CTDSP2: variants seen among roughly 807,000 people sequenced by gnomAD.
The protein encoded by CTDSP2 is CTD small phosphatase 2, also known as carboxy-terminal domain RNA polymerase II polypeptide A small phosphatase 2.
CTDSP2 carries 9 observed loss-of-function variants against 31.6 expected under a neutral mutation model. That is an observed-to-expected ratio of 0.28 (90% CI 0.17 to 0.50). The LOEUF (loss-of-function observed/expected upper bound fraction) is 0.50, where lower values mean the gene tolerates loss of function less well. CTDSP2 is among the 20% of genes least tolerant of loss of function. The pLI is 0.98. For synonymous variants in CTDSP2, 134 were observed against 134.5 expected (o/e 1.00, Z 0.03); for missense variants, 267 against 348.5 (o/e 0.77, Z 1.86).
At chr12:57,844,221 G>A (rs536526077) in intron 1 of CTDSP2, among the ~76,000 whole-genome samples, 3 of 152,138 alleles carry the variant, frequency 2.0e-5, no homozygotes, top group Non-Finnish European at 4.4e-5. Flanking sequence ...TACATGGGGA[G>A]GGAGAGACCC....
chr12:57,822,758 C>T lies in CTDSP2; in HGVS notation c.*844G>A, dbSNP rs1042891563. ...GCGCCGCCGACATTCATTACAGGCC[C>T]AGGACTGTAACTTTGTCAGAAACAA... On this transcript the variant is annotated 3_prime_UTR_variant, in exon 8 of 8. Transcript: ENST00000398073. 1 of 152,308 alleles carries T rather than the reference C, an allele frequency of 6.6e-6. No homozygotes were observed. The highest frequency in any genetic ancestry group is 2.4e-5 in the African/African-American group (1 of 41,466). 9.4% of individuals were successfully genotyped at this position (152,308 alleles called of 1,614,324 possible). A position where few individuals can be genotyped will look rare whatever the true frequency, so the allele number is the denominator to read the frequency against.
intron 1 of CTDSP2, among the ~76,000 whole-genome samples, 182 bp downstream of exon 1, chr12:57,846,190 G>A (rs1956314741): frequency 6.6e-6 from 1 of 152,182 alleles, no homozygotes; most frequent in Non-Finnish European, 1.5e-5. Flanking sequence ...CGGGATCCCC[G>A]TGCAACCCCC....
chr12:57,834,473 C>T, intron 1 of CTDSP2, among the ~76,000 whole-genome samples: 1 of 152,204 alleles, frequency 6.6e-6, no homozygotes, highest in East Asian at 1.9e-4. Flanking sequence ...AATCCACCCC[C>T]ACCCCTGCCT....
At chr12:57,846,124 A>G (rs964788686) in intron 1 of CTDSP2, among the ~76,000 whole-genome samples, 6 of 151,834 alleles carry the variant, frequency 4.0e-5, no homozygotes, top group Non-Finnish European at 7.4e-5. Context: ...CCCGAGGGGG[A>G]GGGGTTGCGG....
chr12:57,834,485 C>T lies in CTDSP2; in HGVS notation c.65-4889G>A, dbSNP rs139569178. On this transcript the variant is annotated intron_variant, in intron 1 of 7. Coordinates refer to ENST00000398073, the MANE Select transcript of CTDSP2 (RefSeq NM_005730.4). ...GGGAATCCACCCCCACCCCTGCCTG[C>T]ACCTGCTCTGACCAGCAGATACCTC... 3.7e-3 allele frequency among the ~76,000 whole-genome samples: 570 copies of T among 152,328 alleles called. 5 individuals are homozygous for T. Among genetic ancestry groups the T allele is most frequent in the African/African-American group, 0.013 (557 of 41,566 alleles).
chr12:57,843,480 A>G (rs1956294915), intron 1 of CTDSP2, among the ~76,000 whole-genome samples: 1 of 152,084 alleles, frequency 6.6e-6, no homozygotes, highest in South Asian at 2.1e-4. Flanking sequence ...ATTACTTTTG[A>G]ATCATCAACG....
At chr12:57,824,896 GCA>G (rs1956173485) in intron 5 of CTDSP2, among the ~76,000 whole-genome samples, 1 of 152,120 alleles carries the variant, frequency 6.6e-6, no homozygotes, top group African/African-American at 2.4e-5. Context: ...TTACGATCTT[GCA>G]CATTTTGGGA....
At chr12:57,830,563 C>T (rs907381974) in intron 1 of CTDSP2, among the ~76,000 whole-genome samples, 1 of 152,130 alleles carries the variant, frequency 6.6e-6, no homozygotes, top group Non-Finnish European at 1.5e-5. Context: ...CAGCAGCTCT[C>T]TTTAAGGCCC....
At chr12:57,826,267 GT>G in intron 5 of CTDSP2, 78 bp downstream of exon 5, 1 of 1,251,110 alleles carries the variant, frequency 8.0e-7, no homozygotes, top group East Asian at 2.4e-5. Context: ...CCTGAGATGG[GT>G]GGAGGACCCC....
At chr12:57,824,837 C>G in intron 5 of CTDSP2, 1 of 359,300 alleles carries the variant, frequency 2.8e-6, no homozygotes, top group South Asian at 2.0e-5. Context: ...GCTCTGCACC[C>G]GATCTTGTGC....
intron 1 of CTDSP2, among the ~76,000 whole-genome samples, chr12:57,842,933 T>C (rs773484294): frequency 6.6e-6 from 1 of 151,982 alleles, no homozygotes; most frequent in Non-Finnish European, 1.5e-5. Flanking sequence ...CTTATGCGGA[T>C]AACAAAAGAG....
At chr12:57,838,279 A>G (rs536695184) in intron 1 of CTDSP2, among the ~76,000 whole-genome samples, 2 of 152,278 alleles carry the variant, frequency 1.3e-5, no homozygotes, top group South Asian at 4.1e-4. Context: ...GGCAGCAGGG[A>G]CAAGCCTGAG....
At chr12:57,840,459 G>A (rs1341950530) in intron 1 of CTDSP2, among the ~76,000 whole-genome samples, 1 of 152,134 alleles carries the variant, frequency 6.6e-6, no homozygotes, top group Non-Finnish European at 1.5e-5. Context: ...TATGTGACGT[G>A]AGTCAGAAAA....
chr12:57,823,370 C>T lies in CTDSP2; in HGVS notation c.*232G>A. On this transcript the variant is annotated 3_prime_UTR_variant, in exon 8 of 8. Coordinates refer to ENST00000398073, the MANE Select transcript of CTDSP2 (RefSeq NM_005730.4). ...AAACACACACACAAACACACACTCT[C>T]TCACAGTCAAACACACATCTCAACA... 1 of 563,834 alleles carries T rather than the reference C, an allele frequency of 1.8e-6. No homozygotes were observed. Among genetic ancestry groups the T allele is most frequent in the Non-Finnish European group, 3.2e-6 (1 of 314,086 alleles). The allele number at this position is 563,834 out of a possible 1,614,324, so 34.9% of individuals were successfully genotyped here. A position where few individuals can be genotyped will look rare whatever the true frequency, so the allele number is the denominator to read the frequency against.
At chr12:57,839,566 A>C (rs1366522412) in intron 1 of CTDSP2, among the ~76,000 whole-genome samples, 1 of 152,072 alleles carries the variant, frequency 6.6e-6, no homozygotes, top group Non-Finnish European at 1.5e-5. Context: ...AAAATACAAA[A>C]AATTAGCCGG....
chr12:57,831,061 A>C (rs1214417163), intron 1 of CTDSP2, among the ~76,000 whole-genome samples: 1 of 149,392 alleles, frequency 6.7e-6, no homozygotes, highest in East Asian at 2.0e-4. Flanking sequence ...AAGTCATTTT[A>C]ATAGAAGACT....
chr12:57,830,175 G>C (rs1049629862), intron 1 of CTDSP2, among the ~76,000 whole-genome samples: 1 of 152,174 alleles, frequency 6.6e-6, no homozygotes, highest in African/African-American at 2.4e-5. Flanking sequence ...CACGAGGTCA[G>C]AAGATTGAGA....
At chr12:57,831,868 T>C (rs1956217857) in intron 1 of CTDSP2, among the ~76,000 whole-genome samples, 2 of 151,958 alleles carry the variant, frequency 1.3e-5, no homozygotes, top group Non-Finnish European at 2.9e-5. Context: ...ACCCAGAAAA[T>C]GTACCAAGGT....
At position 57,825,507 on chromosome 12, in the gene CTDSP2, T is replaced by C. The variant is rs191358766; in HGVS notation, c.411+839A>G. Among the ~76,000 whole-genome samples, 809 of 152,360 alleles carry C rather than the reference T, an allele frequency of 5.3e-3. 3 individuals are homozygous for C. The highest frequency in any genetic ancestry group is 8.2e-3 in the Non-Finnish European group (558 of 68,034). Reference sequence around the variant, plus strand: ...TGTTTGAAAATATGCCTTCATCTTTTCTACAAGGGTTTAGCACATCCCTAT... The same window carrying C: ...TGTTTGAAAATATGCCTTCATCTTTCCTACAAGGGTTTAGCACATCCCTAT... On this transcript the variant is annotated intron_variant, in intron 5 of 7. Coordinates refer to ENST00000398073, the MANE Select transcript of CTDSP2 (RefSeq NM_005730.4).
Sources: allele counts gnomAD v4.1 joint callset (sites outside exome capture counted in the v4.1 genomes callset), GRCh38; gene constraint gnomAD v4.1.1; transcripts MANE v1.5; gene names NCBI Gene and HGNC (gene_info 2026-07-23, HGNC 2026-07-21).